SMAP1: variants seen among roughly 807,000 people sequenced by gnomAD.
SMAP1 encodes the protein stromal membrane-associated protein 1.
Under a neutral mutation model 58.5 loss-of-function variants are expected in SMAP1, and 24 were observed. That is an observed-to-expected ratio of 0.41 (90% CI 0.30 to 0.58). The LOEUF (loss-of-function observed/expected upper bound fraction) is 0.58. SMAP1 is among the 20% of genes least tolerant of loss of function. The probability of loss-of-function intolerance (pLI) is 0.29; values close to 1 mark genes in which losing one functional copy is unlikely to be tolerated. For synonymous variants in SMAP1, 216 were observed against 196.6 expected (o/e 1.10, Z -0.82); for missense variants, 563 against 566.3 (o/e 0.99, Z 0.06).
intron 7 of SMAP1, among the ~76,000 whole-genome samples, chr6:70,851,847 C>T (rs192595888): frequency 2.6e-5 from 4 of 152,292 alleles, no homozygotes; most frequent in Non-Finnish European, 5.9e-5. Flanking sequence ...GTACAGCCAT[C>T]ACTAAAAGTG....
Position 70,788,322 on chromosome 6 carries a change from G to C in SMAP1, c.415-3367G>C, listed in dbSNP as rs1196041264. On this transcript the variant is annotated intron_variant, in intron 4 of 10. Coordinates refer to ENST00000370455, the MANE Select transcript of SMAP1 (RefSeq NM_001044305.3). ...TTGTGGGGTGGGGGGAGGGGGGAGG[G>C]ATAGCATTAGGAGATATACCTAATG... Among the ~76,000 whole-genome samples, 15 of 102,216 alleles carry C rather than the reference G, an allele frequency of 1.5e-4. 1 individual carries two copies. In the Admixed American group the frequency reaches 1.7e-3, roughly 12 times the overall value. 67.1% of individuals were successfully genotyped at this position (102,216 alleles called of 152,430 possible).
chr6:70,726,884 TG>T (rs1768813805), intron 1 of SMAP1, among the ~76,000 whole-genome samples: 1 of 149,720 alleles, frequency 6.7e-6, no homozygotes, highest in African/African-American at 2.5e-5. Context: ...GGTGTGTGTG[TG>T]TGTGTGTGTG....
intron 2 of SMAP1, among the ~76,000 whole-genome samples, chr6:70,743,361 G>C (rs559844453): frequency 7.3e-4 from 111 of 152,050 alleles, no homozygotes; most frequent in Non-Finnish European, 1.3e-3. Context: ...ATGCCTTTCT[G>C]TTTTCTCTTT....
intron 2 of SMAP1, among the ~76,000 whole-genome samples, chr6:70,750,333 A>G (rs928536853): frequency 6.6e-6 from 1 of 152,144 alleles, no homozygotes; most frequent in Non-Finnish European, 1.5e-5. Flanking sequence ...ATCTATTCCC[A>G]TGTTTAGTTA....
intron 6 of SMAP1, among the ~76,000 whole-genome samples, chr6:70,833,227 A>C (rs1404133411): frequency 6.6e-6 from 1 of 152,192 alleles, no homozygotes; most frequent in Non-Finnish European, 1.5e-5. Flanking sequence ...TAGTGAGGTT[A>C]ATTTCTTATG....
At chr6:70,844,600 C>A (rs1050758258) in intron 7 of SMAP1, among the ~76,000 whole-genome samples, 7 of 152,150 alleles carry the variant, frequency 4.6e-5, no homozygotes, top group Non-Finnish European at 8.8e-5. Flanking sequence ...AGCCTAAATA[C>A]TATTTAACTG....
intron 2 of SMAP1, among the ~76,000 whole-genome samples, chr6:70,748,987 A>G (rs2149882295): frequency 6.6e-6 from 1 of 152,262 alleles, no homozygotes; most frequent in East Asian, 1.9e-4. Context: ...AGTTCCTCAG[A>G]AAATGGAGTA....
At chr6:70,849,446 A>G (rs1231042028) in intron 7 of SMAP1, among the ~76,000 whole-genome samples, 1 of 152,176 alleles carries the variant, frequency 6.6e-6, no homozygotes, top group Non-Finnish European at 1.5e-5. Flanking sequence ...AAACACATGG[A>G]AAGAGAATAT....
intron 1 of SMAP1, among the ~76,000 whole-genome samples, chr6:70,704,164 TGAAGA>T (rs1450858353): frequency 6.6e-6 from 1 of 152,232 alleles, no homozygotes; most frequent in African/African-American, 2.4e-5. Context: ...CTAGGCTCAT[TGAAGA>T]GAACAGTTAC....
At chr6:70,765,040 A>G (rs1766908568) in intron 3 of SMAP1, among the ~76,000 whole-genome samples, 2 of 152,326 alleles carry the variant, frequency 1.3e-5, no homozygotes, top group Admixed American at 6.5e-5. Context: ...GGCTCAAGCG[A>G]TCAGCCCACC....
intron 6 of SMAP1, among the ~76,000 whole-genome samples, chr6:70,807,474 T>A (rs564109539): frequency 2.8e-4 from 42 of 152,366 alleles, no homozygotes; most frequent in African/African-American, 1.0e-3. Flanking sequence ...ACTGGACATT[T>A]CTATTTAATT....
intron 6 of SMAP1, among the ~76,000 whole-genome samples, chr6:70,827,332 T>G (rs971286871): frequency 6.6e-6 from 1 of 152,316 alleles, no homozygotes; most frequent in South Asian, 2.1e-4. Flanking sequence ...TGGATAAATG[T>G]AAAATTCTGA....
At chr6:70,722,592 T>C (rs755488440) in intron 1 of SMAP1, among the ~76,000 whole-genome samples, 2 of 152,228 alleles carry the variant, frequency 1.3e-5, no homozygotes, top group South Asian at 2.1e-4. Flanking sequence ...ATCAGGGGAC[T>C]CACAGCCTTC....
At chr6:70,819,032 T>C in intron 6 of SMAP1, among the ~76,000 whole-genome samples, 1 of 152,150 alleles carries the variant, frequency 6.6e-6, no homozygotes, top group Non-Finnish European at 1.5e-5. Flanking sequence ...TCCCTGTTTC[T>C]CCTTTCCACA....
chr6:70,797,713 C>G (rs112162301), intron 5 of SMAP1, among the ~76,000 whole-genome samples: 4 of 152,208 alleles, frequency 2.6e-5, no homozygotes, highest in African/African-American at 9.6e-5. Flanking sequence ...ATTTTAAAGG[C>G]ATAGGTACAA....
chr6:70,804,172 C>T (rs1769005687), intron 6 of SMAP1, among the ~76,000 whole-genome samples: 1 of 152,108 alleles, frequency 6.6e-6, no homozygotes, highest in South Asian at 2.1e-4. Context: ...CTGGGTGCTC[C>T]TGTATTGGGT....
At chr6:70,762,021 G>T (rs1224046196) in intron 3 of SMAP1, among the ~76,000 whole-genome samples, 2 of 151,928 alleles carry the variant, frequency 1.3e-5, no homozygotes, top group African/African-American at 2.4e-5. Flanking sequence ...GTAATAATAA[G>T]TGCCTACCTG....
intron 1 of SMAP1, among the ~76,000 whole-genome samples, chr6:70,731,211 T>C (rs1173211252): frequency 6.6e-6 from 1 of 152,244 alleles, no homozygotes; most frequent in African/African-American, 2.4e-5. Context: ...TTTCCAGATA[T>C]TGCTTTTATT....
chr6:70,693,307 T>C (rs1329432709), intron 1 of SMAP1, among the ~76,000 whole-genome samples: 1 of 147,712 alleles, frequency 6.8e-6, no homozygotes, highest in African/African-American at 2.5e-5. Flanking sequence ...TCTTTTTTTT[T>C]TTTTTTTTTT....
Sources: gnomAD v4.1 joint callset for allele counts (sites outside exome capture counted in the v4.1 genomes callset) on GRCh38, gnomAD v4.1.1 for gene constraint, MANE v1.5 for transcripts, NCBI Gene and HGNC (gene_info 2026-07-23, HGNC 2026-07-21) for gene names.